TM4SF5: variants seen among roughly 807,000 people sequenced by gnomAD.
The protein encoded by TM4SF5 is transmembrane 4 L six family member 5, also known as transmembrane 4 L6 family member 5.
TM4SF5 carries 16 observed loss-of-function variants against 22.3 expected under a neutral mutation model. The ratio of observed to expected loss-of-function variants is 0.72; its 90% CI spans 0.49 to 1.09. The LOEUF (loss-of-function observed/expected upper bound fraction) is 1.09, where lower values mean the gene tolerates loss of function less well. Ranked by LOEUF, TM4SF5 falls within the 50% of genes least tolerant of loss-of-function variation. TM4SF5 has a pLI of 0.00. For synonymous variants in TM4SF5, 113 were observed against 109.6 expected (o/e 1.03, Z -0.19); for missense variants, 249 against 266.1 (o/e 0.94, Z 0.45).
At chr17:4,782,136 G>A (rs531783037) in intron 2 of TM4SF5, among the ~76,000 whole-genome samples, 12 of 147,818 alleles carry the variant, frequency 8.1e-5, no homozygotes, top group African/African-American at 2.8e-4. Flanking sequence ...TGGCTCTGTC[G>A]CCCAGGCTGG....
At chr17:4,777,744 C>T (rs1046117559) in intron 1 of TM4SF5, among the ~76,000 whole-genome samples, 17 of 151,822 alleles carry the variant, frequency 1.1e-4, no homozygotes, top group Admixed American at 8.5e-4. Flanking sequence ...GTTAGCAGGG[C>T]GTGGTGGCGC....
At chr17:4,779,509 A>G (rs73339938) in intron 1 of TM4SF5, among the ~76,000 whole-genome samples, 8,971 of 152,082 alleles carry the variant, frequency 0.059, 863 homozygotes, top group African/African-American at 0.2. Context: ...AAGAGCTATG[A>G]GAGTGTAATA....
intron 1 of TM4SF5, among the ~76,000 whole-genome samples, chr17:4,774,634 G>A (rs1917175649): frequency 1.3e-5 from 2 of 152,164 alleles, no homozygotes; most frequent in Admixed American, 6.6e-5. Context: ...TCGGCCGGGC[G>A]CAGTGGCTCA....
In TM4SF5 at chr17:4,782,586, T is replaced by A; in HGVS notation, c.342T>A (p.Asn114Lys). The change falls in exon 3 of 5, where the codon AAT becomes AAA. Residue 114 changes from asparagine (N) to lysine (K), a missense_variant. Asn to Lys is a moderately conservative substitution (Grantham distance 94). Transcript: ENST00000270560. ...CGGTGTCTGGAGCTGGGCTCCGAAA[T>A]GGACCCAGATGCTTAATGAACGGCG... ...CLSVSGAGLR[N>K]GPRCLMNGEW... 1.9e-6 allele frequency: 3 copies of A among 1,614,024 alleles called. No individual in the cohort carries two copies. Among genetic ancestry groups the A allele is most frequent in the African/African-American group, 1.3e-5 (1 of 75,000 alleles).
chr17:4,780,864 T>C lies in TM4SF5; in HGVS notation c.253T>C (p.Cys85Arg). The change falls in exon 2 of 5, where the codon TGC becomes CGC. Residue 85 changes from cysteine to arginine, a missense_variant. Coordinates refer to ENST00000270560, the MANE Select transcript of TM4SF5 (RefSeq NM_003963.3). ...CCGAGCCGNR[C>R]RMLRSVFSSA... ...TGGTGCTGGGTGCTGTGGAAACCGC[T>C]GCAGGGTAAGATCCAGATTAAGAAG... 6.2e-7 allele frequency: 1 copy of C among 1,612,082 alleles called. No individual in the cohort carries two copies. Among genetic ancestry groups the C allele is most frequent in the Non-Finnish European group, 8.5e-7 (1 of 1,179,022 alleles).
chr17:4,775,189 A>G (rs1853190346), intron 1 of TM4SF5, among the ~76,000 whole-genome samples: 1 of 152,086 alleles, frequency 6.6e-6, no homozygotes, highest in South Asian at 2.1e-4. Context: ...CTAGGCCTGG[A>G]ACACCCTGAA....
At position 4,783,002 on chromosome 17, in the gene TM4SF5, A is replaced by T; in HGVS notation, c.544A>T (p.Ile182Phe). The T allele has an allele frequency of 1.9e-6, 3 of 1,614,136 alleles. No individual in the cohort carries two copies. Among genetic ancestry groups the T allele is most frequent in the Non-Finnish European group, 2.5e-6 (3 of 1,180,024 alleles). Reference sequence around the variant, plus strand: ...TGGGATCCAGCTGGTGAACGCGACCATTGGTGTCTTCTGCGGCGATTGCAG... The same window carrying T: ...TGGGATCCAGCTGGTGAACGCGACCTTTGGTGTCTTCTGCGGCGATTGCAG... ...LCGIQLVNAT[I>F]GVFCGDCRKK... The change falls in exon 4 of 5, where the codon ATT (isoleucine) becomes TTT (phenylalanine). Residue 182 changes from isoleucine to phenylalanine, a missense_variant. By Grantham distance (21) the Ile-to-Phe change is conservative. Transcript: ENST00000270560.
At chr17:4,777,920 G>A (rs182070573) in intron 1 of TM4SF5, among the ~76,000 whole-genome samples, 8 of 152,120 alleles carry the variant, frequency 5.3e-5, no homozygotes, top group Admixed American at 5.2e-4. Flanking sequence ...GGTGGTACAA[G>A]CCTGTAATCC....
intron 1 of TM4SF5, among the ~76,000 whole-genome samples, chr17:4,773,572 G>A (rs1335530269): frequency 6.6e-6 from 1 of 151,998 alleles, no homozygotes; most frequent in South Asian, 2.1e-4. Context: ...GTCACACCTC[G>A]CTGGTCACAC....
intron 1 of TM4SF5, among the ~76,000 whole-genome samples, chr17:4,775,575 C>T (rs1447994830): frequency 6.6e-6 from 1 of 151,618 alleles, no homozygotes; most frequent in Admixed American, 6.6e-5. Flanking sequence ...TATTGAAGGA[C>T]TTTTGGCACT....
At chr17:4,778,536 G>A (rs1448653963) in intron 1 of TM4SF5, among the ~76,000 whole-genome samples, 4 of 152,142 alleles carry the variant, frequency 2.6e-5, no homozygotes, top group African/African-American at 9.7e-5. Flanking sequence ...GAGCCCAGGA[G>A]GTTGAGGATG....
intron 2 of TM4SF5, among the ~76,000 whole-genome samples, chr17:4,781,601 C>G (rs1384740163): frequency 6.6e-6 from 1 of 151,986 alleles, no homozygotes; most frequent in African/African-American, 2.4e-5. Flanking sequence ...CTGCAGCTTC[C>G]GCCTCCCTAG....
intron 1 of TM4SF5, among the ~76,000 whole-genome samples, chr17:4,778,339 G>A (rs1166699064): frequency 1.3e-5 from 2 of 151,876 alleles, no homozygotes; most frequent in African/African-American, 4.8e-5. Flanking sequence ...GAGGAGCCAG[G>A]CACAGTGGCT....
At chr17:4,778,796 G>A (rs986684465) in intron 1 of TM4SF5, among the ~76,000 whole-genome samples, 10 of 152,082 alleles carry the variant, frequency 6.6e-5, no homozygotes, top group African/African-American at 2.2e-4. Context: ...GGTGGCTCAC[G>A]CTTGTAATCC....
chr17:4,780,282 C>T (rs1159691671), intron 1 of TM4SF5, among the ~76,000 whole-genome samples: 3 of 151,932 alleles, frequency 2.0e-5, no homozygotes, highest in Non-Finnish European at 4.4e-5. Context: ...CTTGAACTTC[C>T]GACCTCAGGT....
At chr17:4,774,037 G>A (rs1007967878) in intron 1 of TM4SF5, among the ~76,000 whole-genome samples, 1 of 152,182 alleles carries the variant, frequency 6.6e-6, no homozygotes, top group African/African-American at 2.4e-5. Context: ...CCAACATGGT[G>A]AAACCCCGTC....
chr17:4,775,749 C>A (rs941219223), intron 1 of TM4SF5, among the ~76,000 whole-genome samples: 1 of 152,154 alleles, frequency 6.6e-6, no homozygotes, highest in East Asian at 1.9e-4. Context: ...ACACACGGAA[C>A]CCCAGAATCA....
intron 1 of TM4SF5, among the ~76,000 whole-genome samples, chr17:4,776,969 G>A (rs1160803510): frequency 1.3e-5 from 2 of 152,092 alleles, no homozygotes; most frequent in Non-Finnish European, 2.9e-5. Context: ...GGAGGCCGAG[G>A]CCAGCGGATC....
intron 2 of TM4SF5, among the ~76,000 whole-genome samples, chr17:4,781,421 T>G (rs1917309117): frequency 6.6e-6 from 1 of 152,020 alleles, no homozygotes; most frequent in African/African-American, 2.4e-5. Flanking sequence ...GGCAGGAGAT[T>G]ACGGTGAGCC....
Sources: gnomAD v4.1 joint callset for allele counts (sites outside exome capture counted in the v4.1 genomes callset) on GRCh38, gnomAD v4.1.1 for gene constraint, MANE v1.5 for transcripts, NCBI Gene and HGNC (gene_info 2026-07-23, HGNC 2026-07-21) for gene names.